Variants in DMXL2 observed in about 807,000 individuals in gnomAD.
The protein encoded by DMXL2 is Dmx like 2, also known as dmX-like protein 2.
DMXL2 carries 103 observed loss-of-function variants against 331.1 expected under a neutral mutation model. The ratio of observed to expected loss-of-function variants is 0.31; its 90% CI spans 0.27 to 0.37. DMXL2 has a LOEUF of 0.37. Ranked by LOEUF, DMXL2 falls within the 10% of genes least tolerant of loss-of-function variation. The pLI is 1.00. For synonymous variants in DMXL2, 1,281 were observed against 1,252.1 expected (o/e 1.02, Z -0.49); for missense variants, 3,171 against 3,642.9 (o/e 0.87, Z 3.33).
At position 51,466,280 on chromosome 15, in the gene DMXL2, A is replaced by G. The variant is rs756962948; in HGVS notation, c.7424T>C (p.Ile2475Thr). The G allele has an allele frequency of 6.7e-7, 1 of 1,499,956 alleles. No homozygotes were observed. The highest frequency in any genetic ancestry group is 2.4e-5 in the East Asian group (1 of 40,886). The allele number at this position is 1,499,956 out of a possible 1,614,324, so 92.9% of individuals were successfully genotyped here. A position where few individuals can be genotyped will look rare whatever the true frequency, so the allele number is the denominator to read the frequency against. Residue 2475 changes from isoleucine to threonine, a missense_variant, in exon 30 of 44, where the codon ATA (isoleucine) becomes ACA (threonine). By Grantham distance (89) the Ile-to-Thr change is moderately conservative. Coordinates refer to ENST00000560891, the MANE Select transcript of DMXL2 (RefSeq NM_001378457.1). ...ATGAATGCTTTCATCAGAATCATAT[A>G]TAACACCACTATCAGACAAAGGAAG... ...PFLPLSDSGV[I>T]YDSDESIHSD...
chr15:51,581,740 C>T (rs1468677696), intron 1 of DMXL2, among the ~76,000 whole-genome samples: 1 of 152,124 alleles, frequency 6.6e-6, no homozygotes, highest in Non-Finnish European at 1.5e-5. Context: ...AACATGACCA[C>T]ATTTCCTATG....
chr15:51,535,836 T>A, intron 12 of DMXL2, 52 bp from the exon 13 acceptor site: 2 of 1,543,862 alleles, frequency 1.3e-6, no homozygotes, highest in Non-Finnish European at 1.7e-6. Context: ...TGTATTTTTC[T>A]TATTGGCTAA....
chr15:51,457,261 CAA>C (rs2039709950), intron 37 of DMXL2, 65 bp downstream of exon 37: 2 of 1,533,856 alleles, frequency 1.3e-6, no homozygotes, highest in African/African-American at 1.4e-5. Context: ...ATTCCTATGT[CAA>C]AGAGATTCCA....
intron 1 of DMXL2, among the ~76,000 whole-genome samples, chr15:51,616,877 T>A (rs1161341785): frequency 7.3e-6 from 1 of 137,618 alleles, no homozygotes; most frequent in Non-Finnish European, 1.5e-5. Flanking sequence ...ATGGAGGTTG[T>A]GGTGAGCAGA....
intron 1 of DMXL2, among the ~76,000 whole-genome samples, chr15:51,601,636 T>C (rs1403504743): frequency 6.6e-6 from 1 of 152,210 alleles, no homozygotes; most frequent in Non-Finnish European, 1.5e-5. Flanking sequence ...CAGACTGCCA[T>C]CTCACTATCT....
chr15:51,601,184 G>T (rs764595782), intron 1 of DMXL2, among the ~76,000 whole-genome samples: 2 of 151,664 alleles, frequency 1.3e-5, no homozygotes, highest in East Asian at 3.9e-4. Context: ...CCAGCTACTC[G>T]GGAGGCTGAG....
intron 1 of DMXL2, among the ~76,000 whole-genome samples, chr15:51,611,566 G>A (rs2053970059): frequency 6.6e-6 from 1 of 152,064 alleles, no homozygotes; most frequent in Non-Finnish European, 1.5e-5. Context: ...ATCTACAAGG[G>A]CATATGTTAC....
intron 23 of DMXL2, 117 bp from the exon 24 acceptor site, chr15:51,481,740 G>C: frequency 2.1e-6 from 2 of 934,054 alleles, no homozygotes; most frequent in South Asian, 2.0e-5. Context: ...ATTAACCTAC[G>C]ATAGGTTACA....
At position 51,508,178 on chromosome 15, in the gene DMXL2, G is replaced by C. The variant is rs550832580; in HGVS notation, c.2645-925C>G. ...AACATAACACATCAGGGCCTGTTTGGGGGTAGGGGGCTAGGAAGGGGAAAG... is the reference window on the plus strand; with the variant it reads ...AACATAACACATCAGGGCCTGTTTGCGGGTAGGGGGCTAGGAAGGGGAAAG... On this transcript the variant is annotated intron_variant, in intron 15 of 43. Transcript: ENST00000560891. 2.0e-5 allele frequency among the ~76,000 whole-genome samples: 3 copies of C among 152,186 alleles called. No homozygotes were observed. In the East Asian group the frequency reaches 5.8e-4, roughly 29 times the overall value.
chr15:51,519,626 A>G (rs1034677145), intron 13 of DMXL2, among the ~76,000 whole-genome samples: 7 of 150,342 alleles, frequency 4.7e-5, no homozygotes, highest in Non-Finnish European at 8.9e-5. Context: ...TGGTTTTGAC[A>G]AAGTCTCTTG....
At chr15:51,475,033 C>T (rs1222081994) in intron 27 of DMXL2, among the ~76,000 whole-genome samples, 1 of 152,138 alleles carries the variant, frequency 6.6e-6, no homozygotes, top group East Asian at 1.9e-4. Flanking sequence ...AAAAAAGTAA[C>T]TTTACAATGG....
chr15:51,478,232 T>G, intron 26 of DMXL2, 39 bp downstream of exon 26: 2 of 1,521,864 alleles, frequency 1.3e-6, no homozygotes, highest in Non-Finnish European at 1.8e-6. Flanking sequence ...GTTTAATGTT[T>G]TTGCTGTATT....
At position 51,471,255 on chromosome 15, in the gene DMXL2, C is replaced by T. The variant is rs145710046; in HGVS notation, c.7360G>A (p.Glu2454Lys). 1.6e-4 allele frequency: 265 copies of T among 1,613,788 alleles called. No individual in the cohort carries two copies. The highest frequency in any genetic ancestry group is 2.2e-4 in the Non-Finnish European group (257 of 1,179,916). Residue 2454 changes from glutamate to lysine, a missense_variant, in exon 29 of 44, where the codon GAA becomes AAA. Physicochemically the swap from Glu to Lys is moderately conservative, Grantham distance 56. Coordinates refer to ENST00000560891, the MANE Select transcript of DMXL2 (RefSeq NM_001378457.1). ...PSYKEKFIPP[E>K]LSMWDYFVAK... ...ACAAAATAATCCCACATACTAAGTT[C>T]GGGAGGAATAAATTTTTCTTTGTAA...
chr15:51,564,415 C>T (rs899436784), intron 4 of DMXL2, among the ~76,000 whole-genome samples, 155 bp from the exon 5 acceptor site: 1 of 150,910 alleles, frequency 6.6e-6, no homozygotes, highest in African/African-American at 2.4e-5. Flanking sequence ...TTTTAAAGTC[C>T]CTTATAAGAA....
intron 1 of DMXL2, among the ~76,000 whole-genome samples, chr15:51,598,937 C>T (rs10775144): frequency 0.51 from 76,915 of 152,068 alleles, 19,658 homozygotes; most frequent in Non-Finnish European, 0.52. Context: ...AGTTTTAGTA[C>T]TACTATGATG....
chr15:51,536,520 T>C lies in DMXL2; in HGVS notation c.1960A>G (p.Asn654Asp). The stretch of plus-strand genomic sequence containing the variant: ...AAAACTGAATGACATGCCAGGTCAT[T>C]GAGGTGAAATCGATGACCGCAATAT... The part of the protein sequence containing the change: ...FRYCGHRFHL[N>D]DLACHSVLPL... Residue 654 changes from asparagine to aspartate, a missense_variant, in exon 12 of 44, where the codon AAT becomes GAT. Asn to Asp is a conservative substitution (Grantham distance 23). Transcript: ENST00000560891. 1 of 1,613,830 alleles carries C rather than the reference T, an allele frequency of 6.2e-7. No individual in the cohort carries two copies. Among genetic ancestry groups the C allele is most frequent in the Non-Finnish European group, 8.5e-7 (1 of 1,179,902 alleles).
At chr15:51,465,999 T>A (rs892617585) in intron 30 of DMXL2, among the ~76,000 whole-genome samples, 185 bp downstream of exon 30, 1 of 152,184 alleles carries the variant, frequency 6.6e-6, no homozygotes, top group East Asian at 1.9e-4. Flanking sequence ...TAAAAGCTAG[T>A]CTTTGGAGGT....
chr15:51,583,146 T>C (rs2051580888), intron 1 of DMXL2, among the ~76,000 whole-genome samples: 2 of 126,380 alleles, frequency 1.6e-5, no homozygotes, highest in Non-Finnish European at 3.3e-5. Context: ...TTTATTATAC[T>C]CTAAGTTTTA....
intron 40 of DMXL2, 42 bp downstream of exon 40, chr15:51,455,109 G>C (rs2039507853): frequency 3.5e-6 from 5 of 1,445,852 alleles, no homozygotes. Flanking sequence ...CATGAACAAA[G>C]TGTTGTGTAT....
Sources: gnomAD v4.1 joint callset for allele counts (sites outside exome capture counted in the v4.1 genomes callset) on GRCh38, gnomAD v4.1.1 for gene constraint, MANE v1.5 for transcripts, NCBI Gene and HGNC (gene_info 2026-07-23, HGNC 2026-07-21) for gene names.